The following ZNF525 variants were observed in gnomAD, a reference collection of about 807,000 sequenced individuals.
ZNF525 encodes zinc finger protein 525.
In ZNF525, 33 loss-of-function variants were observed where a neutral mutation model predicts 37.6. That is an observed-to-expected ratio of 0.88 (90% CI 0.67 to 1.17). The LOEUF is 1.17. Among genes scored for constraint, ZNF525 ranks in the 50% most tolerant of loss-of-function variants. The pLI is 0.00. For missense variants in ZNF525, 449 were observed against 543.1 expected, an observed-to-expected ratio of 0.83 and a Z score of 1.72; for synonymous variants, 170 against 182.3, an observed-to-expected ratio of 0.93 and a Z score of 0.54.
intron 1 of ZNF525, among the ~76,000 whole-genome samples, chr19:53,371,080 AG>A (rs1373457674): frequency 1.3e-5 from 2 of 152,072 alleles, no homozygotes; most frequent in Non-Finnish European, 2.9e-5. Flanking sequence ...CTCTGCGTTC[AG>A]GTCTAGGCTC....
chr19:53,370,845 TC>T (rs2085483107), intron 1 of ZNF525, among the ~76,000 whole-genome samples: 1 of 152,176 alleles, frequency 6.6e-6, no homozygotes, highest in Non-Finnish European at 1.5e-5. Flanking sequence ...CTTCCCGTGT[TC>T]CCCAGGACAA....
chr19:53,382,542 G>A lies in ZNF525; in HGVS notation c.*523G>A, dbSNP rs45499502. ...GGAGTTAACACATGCCATCATAGAC[G>A]TCATACTGGAGAGAAACCTTAGAAG... is the stretch of plus-strand genomic sequence containing the variant. On this transcript the variant is annotated 3_prime_UTR_variant, in exon 4 of 4. Transcript: ENST00000474037. 6.4e-4 allele frequency: 418 copies of A among 653,988 alleles called. No homozygotes were observed. The highest frequency in any genetic ancestry group is 1.1e-3 in the Non-Finnish European group (370 of 347,548). 40.5% of individuals were successfully genotyped at this position (653,988 alleles called of 1,614,324 possible).
At position 53,386,112 on chromosome 19, in the gene ZNF525, C is replaced by G. The variant is rs2085604915; in HGVS notation, c.*4093C>G. The G allele has an allele frequency of 5.3e-6, 2 of 375,906 alleles. No individual in the cohort carries two copies. Among genetic ancestry groups the G allele is most frequent in the East Asian group, 1.3e-4 (2 of 14,964 alleles). 23.3% of individuals were successfully genotyped at this position (375,906 alleles called of 1,614,324 possible). On this transcript the variant is annotated 3_prime_UTR_variant, in exon 4 of 4. Transcript: ENST00000474037. ...TGGAGGATGCAGTGAACTGAGATGG[C>G]AACATTACACTCTAGCCTGAGCAAC... is the stretch of plus-strand genomic sequence containing the variant.
rs1318763804 is a variant in ZNF525 at position 53,382,513 on chromosome 19, G to A, written c.*494G>A. ...TGTAATGAGTGTGGCAAGACCTTCA[G>A]TAAGGAGTTAACACATGCCATCATA... On this transcript the variant is annotated 3_prime_UTR_variant, in exon 4 of 4. Transcript: ENST00000474037. The A allele has an allele frequency of 3.0e-6, 2 of 676,140 alleles. No homozygotes were observed. The highest frequency in any genetic ancestry group is 5.5e-6 in the Non-Finnish European group (2 of 361,478). The allele number at this position is 676,140 out of a possible 1,614,324, so 41.9% of individuals were successfully genotyped here.
At chr19:53,366,802 GGTATAACAGA>G (rs1219645685) in intron 1 of ZNF525, among the ~76,000 whole-genome samples, 2 of 148,156 alleles carry the variant, frequency 1.3e-5, no homozygotes, top group African/African-American at 5.2e-5. Flanking sequence ...GGGGACAGGG[GGTATAACAGA>G]GAAGAGAGAA....
At chr19:53,371,414 C>T (rs2085487407) in intron 1 of ZNF525, among the ~76,000 whole-genome samples, 2 of 152,002 alleles carry the variant, frequency 1.3e-5, no homozygotes, top group Admixed American at 6.6e-5. Context: ...TTCTGTCACC[C>T]AGGCTGGAGT....
rs2085582332 is a variant in ZNF525, at chr19:53,383,426, C to T, written c.*1407C>T. ...AATGTGAAGAATGTGACAAAGTTTA[C>T]AGTCGCAAATCAAACCTCGAAAGAC... On this transcript the variant is annotated 3_prime_UTR_variant, in exon 4 of 4. Transcript: ENST00000474037. 1.9e-6 allele frequency: 2 copies of T among 1,054,292 alleles called. No individual in the cohort carries two copies. The highest frequency in any genetic ancestry group is 1.4e-6 in the Non-Finnish European group (1 of 712,704). 65.3% of individuals were successfully genotyped at this position (1,054,292 alleles called of 1,614,324 possible).
In ZNF525 at chr19:53,381,159, G is replaced by A. The variant is rs4438413; in HGVS notation, c.580G>A (p.Asp194Asn). The change falls in exon 4 of 4, where the codon GAT (aspartate) becomes AAT (asparagine). Residue 194 changes from aspartate (D) to asparagine (N), a missense_variant. Around this residue, in one of 2 missense-constraint regions of ZNF525, gnomAD observed 271 missense variants for 381.6 expected, o/e 0.71. Coordinates refer to ENST00000474037, the MANE Select transcript of ZNF525 (RefSeq NM_001348156.2). ...PKTHISNNYG[D>N]NFLNYSLLTQ... ...AACCCATATATCTAATAACTATGGG[G>A]ATAATTTTCTGAATTATTCATTACT... 0.62 allele frequency: 844,898 copies of A among 1,366,170 alleles called. 265,687 individuals carry two copies. Among genetic ancestry groups the A allele is most frequent in the Admixed American group, 0.74 (44,290 of 59,676 alleles). The allele number at this position is 1,366,170 out of a possible 1,614,324, so 84.6% of individuals were successfully genotyped here.
intron 2 of ZNF525, 114 bp from the exon 3 acceptor site, chr19:53,375,656 G>A: frequency 1.2e-6 from 2 of 1,607,384 alleles, no homozygotes; most frequent in Non-Finnish European, 1.7e-6. Flanking sequence ...ACTCGGATTT[G>A]TCAGAACATT....
chr19:53,385,279 A>AC lies in ZNF525; in HGVS notation c.*3260_*3261insC. 1 of 340,680 alleles carries AC rather than the reference A, an allele frequency of 2.9e-6. No homozygotes were observed. The highest frequency in any genetic ancestry group is 5.3e-6 in the Non-Finnish European group (1 of 187,248). The allele number at this position is 340,680 out of a possible 1,614,324, so 21.1% of individuals were successfully genotyped here. A position where few individuals can be genotyped will look rare whatever the true frequency, so the allele number is the denominator to read the frequency against. ...TAAACTAGTGCTAGTCTGTTATAAC[A>AC]TGTCTGAACAGGCTCTAGTTTGATG... On this transcript the variant is annotated 3_prime_UTR_variant, in exon 4 of 4. Coordinates refer to ENST00000474037, the MANE Select transcript of ZNF525 (RefSeq NM_001348156.2).
At position 53,382,939 on chromosome 19, in the gene ZNF525, G is replaced by A. The variant is rs565454641; in HGVS notation, c.*920G>A. The A allele has an allele frequency of 3.5e-5, 52 of 1,494,632 alleles. 1 individual carries two copies. In the South Asian group the frequency reaches 4.2e-4, roughly 12 times the overall value. The allele number at this position is 1,494,632 out of a possible 1,614,324, so 92.6% of individuals were successfully genotyped here. On this transcript the variant is annotated 3_prime_UTR_variant, in exon 4 of 4. Coordinates refer to ENST00000474037, the MANE Select transcript of ZNF525 (RefSeq NM_001348156.2). ...GTGGTAAGATGTTCAGTCAAAATTC[G>A]GCCCTTGTAATTCATAAGGCAATTC... is the stretch of plus-strand genomic sequence containing the variant.
In ZNF525 at chr19:53,385,802, C is replaced by T. The variant is rs1025669105; in HGVS notation, c.*3783C>T. The T allele has an allele frequency of 4.5e-5, 7 of 156,528 alleles. No individual in the cohort carries two copies. The highest frequency in any genetic ancestry group is 1.9e-4 in the Admixed American group (3 of 15,956). 9.7% of individuals were successfully genotyped at this position (156,528 alleles called of 1,614,324 possible). A position where few individuals can be genotyped will look rare whatever the true frequency, so the allele number is the denominator to read the frequency against. ...AAATAAACAGTTTGTAAACGGATAA[C>T]TTATTTTGAGTTAGGGCAAGACAAT... On this transcript the variant is annotated 3_prime_UTR_variant, in exon 4 of 4. Transcript: ENST00000474037.
chr19:53,382,772 T>TA lies in ZNF525; in HGVS notation c.*754dup, dbSNP rs1203152951. The TA allele has an allele frequency of 3.1e-6, 3 of 980,514 alleles. No homozygotes were observed. The highest frequency in any genetic ancestry group is 4.8e-6 in the Non-Finnish European group (3 of 626,222). The allele number at this position is 980,514 out of a possible 1,614,324, so 60.7% of individuals were successfully genotyped here. On this transcript the variant is annotated 3_prime_UTR_variant, in exon 4 of 4. Coordinates refer to ENST00000474037, the MANE Select transcript of ZNF525 (RefSeq NM_001348156.2). ...TGACAAATTTTTCAGACATCGTTCA[T>TA]ACCTTGCAGTTCACGGGCGAACTCA...
At chr19:53,376,511 A>G in intron 3 of ZNF525, 1 of 580,276 alleles carries the variant, frequency 1.7e-6, no homozygotes, top group South Asian at 2.2e-5. Context: ...TTCATTCTCC[A>G]TTTCCTGCTT....
chr19:53,374,916 C>T (rs1349476489), intron 2 of ZNF525, among the ~76,000 whole-genome samples: 1 of 151,992 alleles, frequency 6.6e-6, no homozygotes, highest in African/African-American at 2.4e-5. Context: ...CACTGTGTTG[C>T]CCAGGCTGGA....
chr19:53,375,474 A>C (rs1350557656), intron 2 of ZNF525, among the ~76,000 whole-genome samples: 1 of 152,108 alleles, frequency 6.6e-6, no homozygotes, highest in Admixed American at 6.6e-5. Context: ...AATTTCAACT[A>C]CTCAGGAGGC....
At position 53,380,734 on chromosome 19, in the gene ZNF525, A is replaced by C. The variant is rs139528454; in HGVS notation, c.155A>C (p.Lys52Thr). 4.0e-4 allele frequency: 494 copies of C among 1,228,846 alleles called. 3 individuals carry two copies. The East Asian group carries it at 9.4e-3, about 23-fold the overall frequency. The allele number at this position is 1,228,846 out of a possible 1,614,324, so 76.1% of individuals were successfully genotyped here. A position where few individuals can be genotyped will look rare whatever the true frequency, so the allele number is the denominator to read the frequency against. ...RNLVSLGISS[K>T]CTMKEFSSTA... Reference sequence around the variant, plus strand: ...TTATATTTTGTAGGTATCTCTTCCAAATGCACAATGAAGGAGTTCTCATCA... The same window carrying C: ...TTATATTTTGTAGGTATCTCTTCCACATGCACAATGAAGGAGTTCTCATCA... The change falls in exon 4 of 4, where the codon AAA becomes ACA. Residue 52 changes from lysine to threonine, a missense_variant. Coordinates refer to ENST00000474037, the MANE Select transcript of ZNF525 (RefSeq NM_001348156.2).
intron 2 of ZNF525, among the ~76,000 whole-genome samples, chr19:53,374,843 T>G (rs1246746767): frequency 2.0e-5 from 3 of 152,144 alleles, no homozygotes; most frequent in African/African-American, 7.2e-5. Context: ...ATCTATATAA[T>G]GGATTTTCCT....
In ZNF525 at chr19:53,384,141, G is replaced by A. The variant is rs1424610384; in HGVS notation, c.*2122G>A. ...CAGTTCAGCATTGACTTGAGTTTGA[G>A]TTGACTTAACATTGAGTTCAAGCCT... On this transcript the variant is annotated 3_prime_UTR_variant, in exon 4 of 4. Coordinates refer to ENST00000474037, the MANE Select transcript of ZNF525 (RefSeq NM_001348156.2). 9.8e-6 allele frequency: 4 copies of A among 410,088 alleles called. No homozygotes were observed. Among genetic ancestry groups the A allele is most frequent in the Admixed American group, 6.7e-5 (2 of 29,688 alleles). The allele number at this position is 410,088 out of a possible 1,614,324, so 25.4% of individuals were successfully genotyped here.
Sources: gnomAD v4.1 joint callset for allele counts (sites outside exome capture counted in the v4.1 genomes callset) on GRCh38, gnomAD v4.1.1 for gene constraint, gnomAD v4.1.1 regional missense constraint, MANE v1.5 for transcripts, NCBI Gene and HGNC (gene_info 2026-07-23, HGNC 2026-07-21) for gene names.